The following ZFHX4 variants were observed in gnomAD, a reference collection of about 807,000 sequenced individuals.
ZFHX4 encodes the protein zinc finger homeobox 4.
ZFHX4 carries 56 observed loss-of-function variants against 267.6 expected under a neutral mutation model. That is an observed-to-expected ratio of 0.21 (90% CI 0.17 to 0.26). ZFHX4 has a LOEUF of 0.26. Among genes scored for constraint, ZFHX4 ranks in the 10% least tolerant of loss-of-function variants. The pLI is 1.00. For missense variants in ZFHX4, 4,332 were observed against 4,420.0 expected (o/e 0.98, Z 0.56); for synonymous variants, 1,778 against 1,665.6 (o/e 1.07, Z -1.64).
At chr8:76,860,857 C>T (rs1278810553) in intron 10 of ZFHX4, among the ~76,000 whole-genome samples, 4 of 152,092 alleles carry the variant, frequency 2.6e-5, no homozygotes, top group Non-Finnish European at 5.9e-5. Context: ...ATATATTGAA[C>T]CTTTTTCGTA....
intron 5 of ZFHX4, chr8:76,833,635 A>G (rs963475217): frequency 1.4e-5 from 6 of 434,968 alleles, no homozygotes; most frequent in Admixed American, 7.4e-5. Flanking sequence ...AATTTCCCCA[A>G]TACCCTCTCC....
chr8:76,842,838 C>T, intron 6 of ZFHX4, 67 bp downstream of exon 6: 5 of 1,112,128 alleles, frequency 4.5e-6, no homozygotes, highest in Non-Finnish European at 6.5e-6. Flanking sequence ...ACTCTTCCTT[C>T]ACCATCCCCC....
chr8:76,805,030 T>C (rs1386116686), intron 4 of ZFHX4, among the ~76,000 whole-genome samples: 1 of 152,070 alleles, frequency 6.6e-6, no homozygotes, highest in Non-Finnish European at 1.5e-5. Flanking sequence ...GTGAAAGGGG[T>C]TTACCTCTTC....
Position 76,704,992 on chromosome 8 carries a change from C to G in ZFHX4, c.904C>G (p.Arg302Gly), listed in dbSNP as rs1386508105. 6.2e-7 allele frequency: 1 copy of G among 1,613,654 alleles called. No homozygotes were observed. The highest frequency in any genetic ancestry group is 8.5e-7 in the Non-Finnish European group (1 of 1,179,822). Reference sequence around the variant, plus strand: ...TGTAACCCATGCTGTGCATGATCATCGGATGACCCTCAATGACGAGGAGCA... The same window carrying G: ...TGTAACCCATGCTGTGCATGATCATGGGATGACCCTCAATGACGAGGAGCA... Reference protein sequence around the residue: ...SFVTHAVHDHRMTLNDEEQKL... With the variant: ...SFVTHAVHDHGMTLNDEEQKL... The change falls in exon 2 of 11, where the codon CGG becomes GGG. Residue 302 changes from arginine to glycine, a missense_variant. Around this residue, in one of 7 missense-constraint regions of ZFHX4, gnomAD observed 1,195 missense variants for 1,173.6 expected, o/e 1.02. Transcript: ENST00000651372.
chr8:76,842,126 A>G (rs1434322657), intron 5 of ZFHX4, among the ~76,000 whole-genome samples: 1 of 152,158 alleles, frequency 6.6e-6, no homozygotes, highest in East Asian at 1.9e-4. Context: ...AGAAAAAAAA[A>G]ATCCCCAATG....
Position 76,707,910 on chromosome 8 carries a change from G to A in ZFHX4, c.2955G>A (p.Glu985=). 6.2e-7 allele frequency: 1 copy of A among 1,614,072 alleles called. No homozygotes were observed. The highest frequency in any genetic ancestry group is 1.1e-5 in the South Asian group (1 of 91,084). The part of the protein sequence containing the change: ...AHIKEGGKSN[E]WRLKCIAIGN... Reference sequence around the variant, plus strand: ...TTAAAGAAGGGGGCAAAAGCAATGAGTGGAGGTTGAAGTGTATTGCCATTG... The same window carrying A: ...TTAAAGAAGGGGGCAAAAGCAATGAATGGAGGTTGAAGTGTATTGCCATTG... Residue 985 remains glutamate (E), a synonymous_variant, in exon 3 of 11, where the codon GAG becomes GAA. Transcript: ENST00000651372.
intron 3 of ZFHX4, among the ~76,000 whole-genome samples, chr8:76,774,405 T>C (rs1043627670): frequency 1.3e-5 from 2 of 152,192 alleles, no homozygotes; most frequent in African/African-American, 4.8e-5. Context: ...ATTCTGGCCA[T>C]ACTGGTAGAT....
chr8:76,833,936 C>G (rs1812004965), intron 5 of ZFHX4, among the ~76,000 whole-genome samples: 1 of 152,000 alleles, frequency 6.6e-6, no homozygotes, highest in Non-Finnish European at 1.5e-5. Context: ...TTTATGGTCT[C>G]TATAGTTTGA....
chr8:76,812,628 A>G (rs1395202737), intron 4 of ZFHX4, among the ~76,000 whole-genome samples: 1 of 152,206 alleles, frequency 6.6e-6, no homozygotes, highest in Non-Finnish European at 1.5e-5. Context: ...TGTTAACTAA[A>G]AGTCATAATA....
intron 4 of ZFHX4, among the ~76,000 whole-genome samples, chr8:76,788,138 G>C (rs1291074386): frequency 6.6e-6 from 1 of 152,134 alleles, no homozygotes; most frequent in East Asian, 1.9e-4. Context: ...GAAGATATCA[G>C]GTTGGATAGT....
At chr8:76,779,157 GT>G (rs1484456822) in intron 4 of ZFHX4, among the ~76,000 whole-genome samples, 1 of 152,138 alleles carries the variant, frequency 6.6e-6, no homozygotes, top group Non-Finnish European at 1.5e-5. Context: ...TGAGACGGCT[GT>G]ACTTTTGGCT....
Position 76,854,002 on chromosome 8 carries a change from T to C in ZFHX4, c.7081T>C (p.Tyr2361His). ...DSMDATDQVVYKHCTVSGQTD... is the reference protein window; with the variant it reads ...DSMDATDQVVHKHCTVSGQTD... ...CATGGATGCCACTGATCAAGTGGTATACAAGCATTGCACAGTGTCTGGCCA... is the reference window on the plus strand; with the variant it reads ...CATGGATGCCACTGATCAAGTGGTACACAAGCATTGCACAGTGTCTGGCCA... Residue 2361 changes from tyrosine to histidine, a missense_variant, in exon 10 of 11, where the codon TAC becomes CAC. By Grantham distance (83) the Tyr-to-His change is moderately conservative. Coordinates refer to ENST00000651372, the MANE Select transcript of ZFHX4 (RefSeq NM_024721.5). The C allele has an allele frequency of 1.2e-6, 2 of 1,613,874 alleles. No homozygotes were observed. Among genetic ancestry groups the C allele is most frequent in the Non-Finnish European group, 1.7e-6 (2 of 1,179,854 alleles).
intron 3 of ZFHX4, 126 bp from the exon 4 acceptor site, chr8:76,778,082 T>C: frequency 1.5e-6 from 1 of 667,450 alleles, no homozygotes; most frequent in Non-Finnish European, 2.7e-6. Context: ...GGGCTGCGTC[T>C]TATAAGAAAA....
chr8:76,748,438 G>A (rs1809519907), intron 3 of ZFHX4, among the ~76,000 whole-genome samples: 1 of 152,038 alleles, frequency 6.6e-6, no homozygotes. Flanking sequence ...TGTTTTATTT[G>A]TATTTGTAGT....
At chr8:76,843,343 G>A (rs1311219994) in intron 6 of ZFHX4, among the ~76,000 whole-genome samples, 2 of 152,154 alleles carry the variant, frequency 1.3e-5, no homozygotes, top group Non-Finnish European at 2.9e-5. Context: ...GCCTAAGAAA[G>A]AGGAAATATC....
intron 4 of ZFHX4, among the ~76,000 whole-genome samples, chr8:76,828,357 G>A (rs1187372260): frequency 6.6e-6 from 1 of 152,056 alleles, no homozygotes; most frequent in Non-Finnish European, 1.5e-5. Flanking sequence ...GCTGTCCAGC[G>A]GGGAGGTACA....
intron 6 of ZFHX4, among the ~76,000 whole-genome samples, chr8:76,843,352 T>C (rs1346073091): frequency 6.6e-6 from 1 of 152,134 alleles, no homozygotes; most frequent in East Asian, 1.9e-4. Context: ...AGAGGAAATA[T>C]CATTGAAAAG....
rs118054986 is a variant in ZFHX4 at position 76,848,581 on chromosome 8, C to A, written c.3512-414C>A. Among the ~76,000 whole-genome samples the A allele has an allele frequency of 9.7e-4, 147 of 152,042 alleles. 1 individual carries two copies. In the East Asian group the frequency reaches 0.014, roughly 15 times the overall value. On this transcript the variant is annotated intron_variant, in intron 6 of 10. Transcript: ENST00000651372. Reference sequence around the variant, plus strand: ...TATAACCAGTCAGCCCTTCTCAGAACGTTGAAATATTTTAAGTGTCAAAGA... The same window carrying A: ...TATAACCAGTCAGCCCTTCTCAGAAAGTTGAAATATTTTAAGTGTCAAAGA...
At chr8:76,811,785 G>A (rs908571920) in intron 4 of ZFHX4, among the ~76,000 whole-genome samples, 1 of 152,148 alleles carries the variant, frequency 6.6e-6, no homozygotes, top group Non-Finnish European at 1.5e-5. Flanking sequence ...GTGGCCAGGC[G>A]TGGTGGCACA....
Sources: gnomAD v4.1 joint callset for allele counts (sites outside exome capture counted in the v4.1 genomes callset) on GRCh38, gnomAD v4.1.1 for gene constraint, gnomAD v4.1.1 regional missense constraint, MANE v1.5 for transcripts, NCBI Gene and HGNC (gene_info 2026-07-23, HGNC 2026-07-21) for gene names.